Variants in RMST observed in about 807,000 individuals in gnomAD.
RMST encodes the protein rhabdomyosarcoma 2 associated transcript.
intron 4 of RMST, among the ~76,000 whole-genome samples, chr12:97,464,246 C>G (rs938833400): frequency 1.3e-5 from 2 of 152,066 alleles, no homozygotes; most frequent in African/African-American, 4.8e-5. Flanking sequence ...TGGGATGAGT[C>G]CAGACATTTA....
intron 5 of RMST, among the ~76,000 whole-genome samples, chr12:97,471,719 A>C (rs1410383301): frequency 6.6e-6 from 1 of 152,158 alleles, no homozygotes; most frequent in Non-Finnish European, 1.5e-5. Flanking sequence ...CTGGGTGCAC[A>C]ATGAGAATAG....
At chr12:97,561,947 G>A (rs956836947) in intron 13 of RMST, among the ~76,000 whole-genome samples, 1 of 152,024 alleles carries the variant, frequency 6.6e-6, no homozygotes, top group African/African-American at 2.4e-5. Flanking sequence ...AGGGAGGAGG[G>A]AGAAAGGAAG....
chr12:97,553,871 G>A (rs1437064112), intron 11 of RMST, among the ~76,000 whole-genome samples: 8 of 150,978 alleles, frequency 5.3e-5, no homozygotes, highest in Admixed American at 5.3e-4. Flanking sequence ...TGACTGCAAG[G>A]ACTAAATGAG....
Position 97,485,864 on chromosome 12 carries a change from C to T in RMST, n.645-6597C>T, listed in dbSNP as rs150175586. On this transcript the variant is annotated intron_variant and non_coding_transcript_variant, in intron 5 of 13. Transcript: ENST00000640149. Reference sequence around the variant, plus strand: ...AGCCTTGGGCCTCTCCACATGTAGGCCCACCTGGCAGTGTGTCTTTTTAGA... The same window carrying T: ...AGCCTTGGGCCTCTCCACATGTAGGTCCACCTGGCAGTGTGTCTTTTTAGA... 2.6e-5 allele frequency among the ~76,000 whole-genome samples: 4 copies of T among 152,320 alleles called. No homozygotes were observed. The East Asian group carries it at 7.7e-4, about 29-fold the overall frequency.
intron 5 of RMST, among the ~76,000 whole-genome samples, chr12:97,477,091 T>G (rs1012329080): frequency 1.3e-5 from 2 of 152,068 alleles, no homozygotes; most frequent in Admixed American, 6.6e-5. Context: ...AAAATAGGAA[T>G]GGTTAGATGA....
chr12:97,533,016 A>G (rs1416585902), intron 11 of RMST: 2 of 151,834 alleles, frequency 1.3e-5, no homozygotes, highest in Non-Finnish European at 2.9e-5. Flanking sequence ...TCCTATTTTA[A>G]TTTTCATTTT....
intron 10 of RMST, among the ~76,000 whole-genome samples, chr12:97,525,179 A>C (rs574434041): frequency 6.6e-6 from 1 of 152,322 alleles, no homozygotes; most frequent in African/African-American, 2.4e-5. Context: ...TTTTAAAGGA[A>C]GACATCCTTT....
At chr12:97,554,283 C>G (rs1345486853) in intron 11 of RMST, among the ~76,000 whole-genome samples, 1 of 152,024 alleles carries the variant, frequency 6.6e-6, no homozygotes, top group Non-Finnish European at 1.5e-5. Flanking sequence ...ATCATTATGA[C>G]TTTTAATAGT....
chr12:97,554,349 C>A (rs1374289399), intron 11 of RMST, among the ~76,000 whole-genome samples: 1 of 151,972 alleles, frequency 6.6e-6, no homozygotes, highest in East Asian at 1.9e-4. Context: ...AATGATTATG[C>A]AGAAGGTCCA....
intron 10 of RMST, among the ~76,000 whole-genome samples, chr12:97,510,405 G>A (rs1243207430): frequency 6.6e-6 from 1 of 152,112 alleles, no homozygotes; most frequent in South Asian, 2.1e-4. Flanking sequence ...TATTTATTTT[G>A]TAATTGAGCA....
chr12:97,471,675 C>A (rs757302704), intron 5 of RMST, among the ~76,000 whole-genome samples: 23 of 152,166 alleles, frequency 1.5e-4, no homozygotes, highest in Non-Finnish European at 3.4e-4. Context: ...TGGCCCTTAG[C>A]TACAGTGTGT....
rs376747682 is a variant in RMST, at chr12:97,505,753, A to G, written n.1340+9697A>G. On this transcript the variant is annotated intron_variant and non_coding_transcript_variant, in intron 10 of 13. Transcript: ENST00000640149. ...CAGAGAGAATTTTAGAGCTGGGTTT[A>G]AGTTTTGATATCACTGCCATGACAA... 8.5e-5 allele frequency among the ~76,000 whole-genome samples: 13 copies of G among 152,302 alleles called. No homozygotes were observed. The East Asian group carries it at 2.5e-3, about 29-fold the overall frequency.
At chr12:97,512,168 A>G (rs1879402351) in intron 10 of RMST, among the ~76,000 whole-genome samples, 1 of 151,246 alleles carries the variant, frequency 6.6e-6, no homozygotes, top group African/African-American at 2.4e-5. Flanking sequence ...GAAGCTGCAG[A>G]CTTTCGCAGC....
At chr12:97,496,825 A>T (rs897460266) in intron 10 of RMST, among the ~76,000 whole-genome samples, 1 of 152,188 alleles carries the variant, frequency 6.6e-6, no homozygotes, top group African/African-American at 2.4e-5. Flanking sequence ...GATGAATATT[A>T]TCAGTTTGCA....
chr12:97,547,978 T>C (rs937738574), intron 11 of RMST, among the ~76,000 whole-genome samples: 2 of 152,094 alleles, frequency 1.3e-5, no homozygotes, highest in African/African-American at 4.8e-5. Context: ...CCTACACCAA[T>C]GTCATGGAGC....
Position 97,543,475 on chromosome 12 carries a change from C to T in RMST, n.1545+12616C>T, listed in dbSNP as rs1448332177. The stretch of plus-strand genomic sequence containing the variant: ...ACTTTAGTGTTTGGCACATAATGAG[C>T]GCTCTATATATGATAATGAATACAT... On this transcript the variant is annotated intron_variant and non_coding_transcript_variant, in intron 11 of 13. Coordinates refer to ENST00000640149, the Ensembl canonical transcript of RMST. Among the ~76,000 whole-genome samples the T allele has an allele frequency of 3.3e-5, 5 of 151,994 alleles. No individual in the cohort carries two copies. In the Middle Eastern group the frequency reaches 0.01, roughly 310 times the overall value.
At chr12:97,564,384 G>T in exon 14 of RMST, 1 of 156,408 alleles carries the variant, frequency 6.4e-6, no homozygotes, top group Non-Finnish European at 1.4e-5. Context: ...TCCGCCAAGA[G>T]TTGTTTTCCA....
At position 97,469,141 on chromosome 12, in the gene RMST, AGTGTGTGTGTGTGTGTGT is replaced by A. The variant is rs10585876; in HGVS notation, n.644+3437_644+3454del. On this transcript the variant is annotated intron_variant and non_coding_transcript_variant, in intron 5 of 13. Transcript: ENST00000640149. ...GATTTATACAATCTGAAGAGAAACC[AGTGTGTGTGTGTGTGTGT>A]GTGTGTGTGTGTGTGTGTGTGTATG... 7.9e-3 allele frequency among the ~76,000 whole-genome samples: 1,089 copies of A among 138,408 alleles called. 13 individuals are homozygous for A. Among genetic ancestry groups the A allele is most frequent in the African/African-American group, 0.026 (972 of 37,694 alleles). 90.8% of individuals were successfully genotyped at this position (138,408 alleles called of 152,430 possible).
intron 11 of RMST, chr12:97,532,974 A>G (rs1246564886): frequency 6.6e-6 from 1 of 151,800 alleles, no homozygotes; most frequent in African/African-American, 2.4e-5. Flanking sequence ...AGCAGGTCGT[A>G]TGTCATTCAA....
Sources: allele counts gnomAD v4.1 joint callset (sites outside exome capture counted in the v4.1 genomes callset), GRCh38; gene constraint gnomAD v4.1.1; transcripts MANE v1.5; gene names NCBI Gene and HGNC (gene_info 2026-07-23, HGNC 2026-07-21).